Variants in VAV1 observed in about 807,000 individuals in gnomAD.
VAV1 encodes the protein proto-oncogene vav.
VAV1 carries 33 observed loss-of-function variants against 128.1 expected under a neutral mutation model. That is an observed-to-expected ratio of 0.26 (90% CI 0.20 to 0.34). The LOEUF (loss-of-function observed/expected upper bound fraction) is 0.34. VAV1 is among the 10% of genes least tolerant of loss of function. The pLI is 1.00. For synonymous variants in VAV1, 394 were observed against 409.8 expected (o/e 0.96, Z 0.47); for missense variants, 715 against 1,093.7 (o/e 0.65, Z 4.88).
rs765008044 is a variant in VAV1, at chr19:6,828,827, G to C, written c.1192G>C (p.Ala398Pro). 2 of 1,614,054 alleles carry C rather than the reference G, an allele frequency of 1.2e-6. No individual in the cohort carries two copies. Among genetic ancestry groups the C allele is most frequent in the African/African-American group, 1.3e-5 (1 of 74,920 alleles). The change falls in exon 13 of 27, where the codon GCT (alanine) becomes CCT (proline). Residue 398 changes from alanine to proline, a missense_variant. Ala to Pro is a conservative substitution (Grantham distance 27, BLOSUM62 -1). Transcript: ENST00000602142. The surrounding 1 kb of genome is among the most constrained non-coding windows in gnomAD (Gnocchi z 4.5). ...LSIENLDQSL[A>P]HYGRPKIDGE... ...GCCTACTGCATAGGACCAGTCTCTG[G>C]CTCACTATGGCCGGCCCAAGATCGA...
chr19:6,845,226 CA>C (rs552705151), intron 22 of VAV1, among the ~76,000 whole-genome samples: 4 of 150,458 alleles, frequency 2.7e-5, no homozygotes, highest in South Asian at 4.2e-4. Context: ...ACTAAAAATA[CA>C]AAAAAAAATT....
rs936789759 is a variant in VAV1 at position 6,797,628 on chromosome 19, C to T, written c.205-23074C>T. ...TGAGGCAGGAGAATTGTTTGAACCC[C>T]GGGGGCAGAGGTTGTTGTGAGCCGA... is the stretch of plus-strand genomic sequence containing the variant. On this transcript the variant is annotated intron_variant, in intron 1 of 26. Transcript: ENST00000602142. 7.3e-5 allele frequency among the ~76,000 whole-genome samples: 11 copies of T among 151,490 alleles called. No individual in the cohort carries two copies. In the South Asian group the frequency reaches 1.5e-3, roughly 20 times the overall value.
intron 1 of VAV1, among the ~76,000 whole-genome samples, chr19:6,789,896 C>T (rs918879961): frequency 6.6e-6 from 1 of 152,326 alleles, no homozygotes; most frequent in Admixed American, 6.5e-5. Context: ...CTGCACCTGG[C>T]CTTATTTTTT....
At chr19:6,844,519 C>T (rs143405380) in intron 22 of VAV1, among the ~76,000 whole-genome samples, 1 of 152,106 alleles carries the variant, frequency 6.6e-6, no homozygotes, top group Non-Finnish European at 1.5e-5. Context: ...GCCCAGCCGA[C>T]GCTCCCATCT....
Position 6,836,985 on chromosome 19 carries a change from G to A in VAV1, c.1915G>A (p.Gly639Ser). The change falls in exon 21 of 27, where the codon GGC becomes AGC. Residue 639 changes from glycine (G) to serine (S), a missense_variant and splice_region_variant. Transcript: ENST00000602142. The stretch of plus-strand genomic sequence containing the variant: ...CTGTTTTTGTCTCCTGGGTGTTTAG[G>A]GCAGAAATACATCTACTAATGAAAT... ...KAEAEQNWWE[G>S]RNTSTNEIGW... 1 of 1,614,048 alleles carries A rather than the reference G, an allele frequency of 6.2e-7. No individual in the cohort carries two copies.
intron 6 of VAV1, among the ~76,000 whole-genome samples, chr19:6,823,555 A>T (rs1971847314): frequency 1.3e-5 from 2 of 151,356 alleles, no homozygotes; most frequent in South Asian, 4.2e-4. Context: ...CTGGTCTTAA[A>T]CTCCTGGGCT....
chr19:6,804,644 C>T (rs142438533), intron 1 of VAV1, among the ~76,000 whole-genome samples: 14 of 151,314 alleles, frequency 9.3e-5, no homozygotes, highest in African/African-American at 2.9e-4. Context: ...CTCAAATTTC[C>T]GACCTCAGGT....
At chr19:6,848,605 G>A (rs1972585730) in intron 23 of VAV1, among the ~76,000 whole-genome samples, 1 of 151,852 alleles carries the variant, frequency 6.6e-6, no homozygotes, top group Non-Finnish European at 1.5e-5. Context: ...GTTTCTCCAT[G>A]TTGGCCAGCC....
intron 1 of VAV1, among the ~76,000 whole-genome samples, chr19:6,791,597 G>C (rs1021168281): frequency 5.9e-5 from 9 of 152,206 alleles, no homozygotes; most frequent in African/African-American, 1.9e-4. Flanking sequence ...ATCTTACAAA[G>C]TCGTTTTCTC....
intron 22 of VAV1, among the ~76,000 whole-genome samples, chr19:6,845,259 C>T (rs1157450700): frequency 6.6e-6 from 1 of 152,106 alleles, no homozygotes; most frequent in Non-Finnish European, 1.5e-5. Context: ...GTGGCGCACG[C>T]CTGTAGTCCC....
rs71177123 is a variant in VAV1 at position 6,844,063 on chromosome 19, C to CTTTTTTTTTTTTTTTTTT, written c.2012+921_2012+938dup. 2.3e-3 allele frequency among the ~76,000 whole-genome samples: 50 copies of CTTTTTTTTTTTTTTTTTT among 21,326 alleles called. 23 individuals are homozygous for CTTTTTTTTTTTTTTTTTT. Among genetic ancestry groups the CTTTTTTTTTTTTTTTTTT allele is most frequent in the East Asian group, 9.0e-3 (4 of 446 alleles). 14.0% of individuals were successfully genotyped at this position (21,326 alleles called of 152,430 possible). A position where few individuals can be genotyped will look rare whatever the true frequency, so the allele number is the denominator to read the frequency against. ...ACTTTCTTCTTTTCTTCTTCTTCTT[C>CTTTTTTTTTTTTTTTTTT]TTTTTTTTTTTTTTTTTTTTTTTTT... On this transcript the variant is annotated intron_variant, in intron 22 of 26. Transcript: ENST00000602142.
In VAV1 at chr19:6,823,941, G is replaced by T. The variant is rs564861670; in HGVS notation, c.655-1112G>T. On this transcript the variant is annotated intron_variant, in intron 6 of 26. Coordinates refer to ENST00000602142, the MANE Select transcript of VAV1 (RefSeq NM_005428.4). ...TGGTTTTTTTTGTTTCTTTTTTTTTGATTTGTTTTGTTTTGAAATGTGGTC... is the reference window on the plus strand; with the variant it reads ...TGGTTTTTTTTGTTTCTTTTTTTTTTATTTGTTTTGTTTTGAAATGTGGTC... Among the ~76,000 whole-genome samples the T allele has an allele frequency of 1.9e-3, 285 of 147,746 alleles. 1 individual carries two copies. The highest frequency in any genetic ancestry group is 6.7e-3 in the African/African-American group (264 of 39,310).
rs147035649 is a variant in VAV1, at chr19:6,807,417, T to C, written c.205-13285T>C. On this transcript the variant is annotated intron_variant, in intron 1 of 26. Transcript: ENST00000602142. Reference sequence around the variant, plus strand: ...GTTCACAGTAGGGTTTGCACTCCTATGAGGATCTAACGCTGCAGCTGATCT... The same window carrying C: ...GTTCACAGTAGGGTTTGCACTCCTACGAGGATCTAACGCTGCAGCTGATCT... Among the ~76,000 whole-genome samples the C allele has an allele frequency of 7.8e-3, 1,191 of 152,184 alleles. 14 individuals carry two copies. The highest frequency in any genetic ancestry group is 0.027 in the African/African-American group (1,123 of 41,538).
chr19:6,833,110 G>T, intron 15 of VAV1, 74 bp from the exon 16 acceptor site: 1 of 1,327,012 alleles, frequency 7.5e-7, no homozygotes, highest in Admixed American at 2.3e-5. Flanking sequence ...TCATACCATG[G>T]AATAGTATTC....
chr19:6,830,065 T>C, intron 14 of VAV1, 147 bp downstream of exon 14: 1 of 1,358,206 alleles, frequency 7.4e-7, no homozygotes, highest in Non-Finnish European at 9.9e-7. Flanking sequence ...TTGTTTGTTT[T>C]GTTCTGTTTT....
chr19:6,795,056 G>A (rs547625648), intron 1 of VAV1, among the ~76,000 whole-genome samples: 4 of 152,104 alleles, frequency 2.6e-5, no homozygotes, highest in Non-Finnish European at 5.9e-5. Flanking sequence ...CGGAGAGAGA[G>A]CAAGTATTCC....
At chr19:6,773,466 C>A (rs1383270222) in intron 1 of VAV1, among the ~76,000 whole-genome samples, 4 of 152,330 alleles carry the variant, frequency 2.6e-5, no homozygotes, top group Non-Finnish European at 4.4e-5. Flanking sequence ...GTCTCCTCCT[C>A]CCGGGCCCTG....
At chr19:6,833,833 G>C (rs962323927) in intron 18 of VAV1, 75 bp from the exon 19 acceptor site, 1 of 1,613,536 alleles carries the variant, frequency 6.2e-7, no homozygotes, top group Admixed American at 1.7e-5. Flanking sequence ...CCTTTGTGGG[G>C]TGAGGAGAGT....
intron 1 of VAV1, among the ~76,000 whole-genome samples, chr19:6,791,142 G>C (rs990477536): frequency 1.3e-5 from 2 of 152,176 alleles, no homozygotes; most frequent in African/African-American, 4.8e-5. Context: ...AGATGGCCTG[G>C]GTGGGTCTTA....
Sources: gnomAD v4.1 joint callset for allele counts (sites outside exome capture counted in the v4.1 genomes callset) on GRCh38, gnomAD v4.1.1 for gene constraint, Gnocchi (gnomAD v3.1) non-coding constraint, MANE v1.5 for transcripts, NCBI Gene and HGNC (gene_info 2026-07-23, HGNC 2026-07-21) for gene names.